TNKS: variants seen among roughly 807,000 people sequenced by gnomAD.
The protein encoded by TNKS is poly [ADP-ribose] polymerase tankyrase-1.
In TNKS, 72 loss-of-function variants were observed where a neutral mutation model predicts 135.8. That is an observed-to-expected ratio of 0.53 (90% CI 0.44 to 0.64). The LOEUF (loss-of-function observed/expected upper bound fraction) is 0.64. Ranked by LOEUF, TNKS falls within the 30% of genes least tolerant of loss-of-function variation. The pLI, the probability that TNKS is intolerant of heterozygous loss-of-function variation, is 0.00. For synonymous variants in TNKS, 849 were observed against 649.3 expected, an observed-to-expected ratio of 1.31 and a Z score of -4.68; for missense variants, 1,769 against 1,674.0, an observed-to-expected ratio of 1.06 and a Z score of -0.99.
intron 3 of TNKS, among the ~76,000 whole-genome samples, chr8:9,661,435 C>G (rs563509968): frequency 5.3e-5 from 8 of 152,188 alleles, no homozygotes; most frequent in Non-Finnish European, 1.0e-4. Context: ...TGCCGCATAT[C>G]TACAACTATC....
At chr8:9,615,429 G>T (rs1799603291) in intron 2 of TNKS, 153 bp from the exon 3 acceptor site, 1 of 530,522 alleles carries the variant, frequency 1.9e-6, no homozygotes, top group Admixed American at 3.7e-5. Flanking sequence ...CTCCTTTGCT[G>T]CAGTGCTTTT....
intron 3 of TNKS, among the ~76,000 whole-genome samples, chr8:9,659,830 A>C (rs917121902): frequency 6.6e-6 from 1 of 152,218 alleles, no homozygotes. Context: ...CAAAATTGAT[A>C]AACCGCTAGC....
chr8:9,573,076 A>T (rs1024179042), intron 1 of TNKS, among the ~76,000 whole-genome samples: 5 of 152,100 alleles, frequency 3.3e-5, no homozygotes, highest in African/African-American at 9.7e-5. Flanking sequence ...TTTAGATTCT[A>T]GTTTTTCTTA....
intron 2 of TNKS, among the ~76,000 whole-genome samples, chr8:9,605,396 A>AT (rs368488815): frequency 7.8e-4 from 118 of 151,788 alleles, no homozygotes; most frequent in African/African-American, 2.8e-3. Flanking sequence ...TTTGCTTCAG[A>AT]TTTTTTTTCA....
intron 12 of TNKS, among the ~76,000 whole-genome samples, chr8:9,724,645 A>T (rs866621890): frequency 6.6e-6 from 1 of 152,200 alleles, no homozygotes; most frequent in Non-Finnish European, 1.5e-5. Flanking sequence ...CATTATTTCT[A>T]AAAACAAGTC....
rs4557707 is a variant in TNKS, at chr8:9,711,143, T to C, written c.1749+923T>C. Among the ~76,000 whole-genome samples the C allele has an allele frequency of 4.7e-4, 72 of 152,270 alleles. 1 individual carries two copies. In the East Asian group the frequency reaches 8.5e-3, roughly 18 times the overall value. On this transcript the variant is annotated intron_variant, in intron 11 of 26. Coordinates refer to ENST00000310430, the MANE Select transcript of TNKS (RefSeq NM_003747.3). Reference sequence around the variant, plus strand: ...TCTCCAAAGTAGGGTATAGACTCCCTATGGAGCATACAAGATGCCCTGTTG... The same window carrying C: ...TCTCCAAAGTAGGGTATAGACTCCCCATGGAGCATACAAGATGCCCTGTTG...
At chr8:9,726,020 A>G (rs1444867178) in intron 12 of TNKS, among the ~76,000 whole-genome samples, 1 of 152,222 alleles carries the variant, frequency 6.6e-6, no homozygotes, top group Non-Finnish European at 1.5e-5. Flanking sequence ...AAATGTCTGT[A>G]TTTAGTAGCC....
At chr8:9,611,962 C>T (rs575696629) in intron 2 of TNKS, among the ~76,000 whole-genome samples, 7 of 152,108 alleles carry the variant, frequency 4.6e-5, no homozygotes, top group Non-Finnish European at 1.0e-4. Flanking sequence ...AGAAGAGATT[C>T]TATTTGAAGC....
Position 9,752,619 on chromosome 8 carries a change from C to A in TNKS, c.3146C>A (p.Thr1049Lys), listed in dbSNP as rs1192733618. Residue 1049 changes from threonine (T) to lysine (K), a missense_variant, in exon 20 of 27, where the codon ACA becomes AAA. This residue lies in a region of TNKS where 722 missense variants were observed against 688.9 expected (regional missense o/e 1.05). Coordinates refer to ENST00000310430, the MANE Select transcript of TNKS (RefSeq NM_003747.3). ...GLEHLRDIFE[T>K]EQITLDVLAD... Reference sequence around the variant, plus strand: ...GAACACCTTCGGGATATCTTTGAAACAGAACAGGTAAATACTCTTGTATAT... The same window carrying A: ...GAACACCTTCGGGATATCTTTGAAAAAGAACAGGTAAATACTCTTGTATAT... 1 of 1,605,734 alleles carries A rather than the reference C, an allele frequency of 6.2e-7. No homozygotes were observed. Among genetic ancestry groups the A allele is most frequent in the South Asian group, 1.1e-5 (1 of 90,778 alleles).
chr8:9,718,667 A>G (rs982225325), intron 11 of TNKS, among the ~76,000 whole-genome samples: 8 of 152,202 alleles, frequency 5.3e-5, no homozygotes, highest in African/African-American at 1.9e-4. Context: ...CAATCTCTAG[A>G]TACAAGGAAA....
At chr8:9,640,311 A>C (rs1465961218) in intron 3 of TNKS, among the ~76,000 whole-genome samples, 1 of 152,072 alleles carries the variant, frequency 6.6e-6, no homozygotes, top group Admixed American at 6.6e-5. Flanking sequence ...AGACAGAAAA[A>C]TGGCATTAAT....
chr8:9,658,468 C>A (rs938943352), intron 3 of TNKS: 6 of 754,542 alleles, frequency 8.0e-6, no homozygotes, highest in African/African-American at 7.5e-5. Context: ...CCCAGAATTT[C>A]ATATCCAGCC....
intron 1 of TNKS, among the ~76,000 whole-genome samples, chr8:9,559,105 A>G (rs1563376772): frequency 6.6e-6 from 1 of 152,216 alleles, no homozygotes; most frequent in African/African-American, 2.4e-5. Context: ...TACTGACACA[A>G]TTGTGTAATG....
intron 19 of TNKS, 80 bp from the exon 20 acceptor site, chr8:9,752,464 G>C: frequency 1.0e-6 from 1 of 1,003,874 alleles, no homozygotes; most frequent in South Asian, 1.4e-5. Context: ...GGTTGTCAGA[G>C]TCATGTCTAA....
intron 5 of TNKS, among the ~76,000 whole-genome samples, chr8:9,702,546 C>G (rs1449355869): frequency 6.6e-6 from 1 of 152,186 alleles, no homozygotes; most frequent in Non-Finnish European, 1.5e-5. Flanking sequence ...AAAAAGTTAA[C>G]TAAACTTCAT....
At chr8:9,583,090 C>G (rs1254802343) in intron 2 of TNKS, among the ~76,000 whole-genome samples, 3 of 150,652 alleles carry the variant, frequency 2.0e-5, no homozygotes, top group Non-Finnish European at 4.4e-5. Context: ...TGGCATGAAC[C>G]CGGGAGGCGG....
intron 18 of TNKS, among the ~76,000 whole-genome samples, chr8:9,749,171 C>T (rs1175082393): frequency 6.6e-6 from 1 of 152,202 alleles, no homozygotes; most frequent in South Asian, 2.1e-4. Flanking sequence ...CAGATTCCAC[C>T]TTCTTTGAAA....
At position 9,672,671 on chromosome 8, in the gene TNKS, A is replaced by G. The variant is rs1352525517; in HGVS notation, c.995-7280A>G. Among the ~76,000 whole-genome samples, 7 of 137,076 alleles carry G rather than the reference A, an allele frequency of 5.1e-5. No individual in the cohort carries two copies. In the East Asian group the frequency reaches 6.6e-4, roughly 13 times the overall value. The allele number at this position is 137,076 out of a possible 152,430, so 89.9% of individuals were successfully genotyped here. ...TGTGATGGTAAAAAAAAAAAAAAAA[A>G]AAAAACACATACACACACACACACA... On this transcript the variant is annotated intron_variant, in intron 3 of 26. Transcript: ENST00000310430.
intron 7 of TNKS, 33 bp from the exon 8 acceptor site, chr8:9,706,778 T>A (rs975080359): frequency 1.9e-6 from 3 of 1,568,104 alleles, no homozygotes; most frequent in Non-Finnish European, 2.6e-6. Flanking sequence ...GCAAAATGAT[T>A]ACTGACCTAA....
Sources: gnomAD v4.1 joint callset for allele counts (sites outside exome capture counted in the v4.1 genomes callset) on GRCh38, gnomAD v4.1.1 for gene constraint, gnomAD v4.1.1 regional missense constraint, MANE v1.5 for transcripts, NCBI Gene and HGNC (gene_info 2026-07-23, HGNC 2026-07-21) for gene names.